The following ZNF704 variants were observed in gnomAD, a reference collection of about 807,000 sequenced individuals.
ZNF704 encodes the protein zinc finger protein 704.
In ZNF704, 10 loss-of-function variants were observed where a neutral mutation model predicts 44.7. The observed-to-expected ratio is 0.22, with a 90% CI of 0.14 to 0.38. The LOEUF is 0.38. Among genes scored for constraint, ZNF704 ranks in the 10% least tolerant of loss-of-function variants. The pLI, the probability that ZNF704 is intolerant of heterozygous loss-of-function variation, is 1.00. For missense variants in ZNF704, 390 were observed against 545.5 expected (o/e 0.71, Z 2.84); for synonymous variants, 211 against 207.6 (o/e 1.02, Z -0.14).
At position 80,771,323 on chromosome 8, in the gene ZNF704, T is replaced by G. The variant is rs1312891976; in HGVS notation, c.221+50051A>C. Among the ~76,000 whole-genome samples, 13 of 152,290 alleles carry G rather than the reference T, an allele frequency of 8.5e-5. No individual in the cohort carries two copies. The South Asian group carries it at 2.7e-3, about 32-fold the overall frequency. On this transcript the variant is annotated intron_variant, in intron 2 of 8. Transcript: ENST00000327835. The stretch of plus-strand genomic sequence containing the variant: ...TGACTATTATTACTATGTTGAGTCT[T>G]GCAATCCATAAACATGGTATGTCTC...
chr8:80,816,471 A>G (rs1352350570), intron 2 of ZNF704, among the ~76,000 whole-genome samples: 1 of 152,204 alleles, frequency 6.6e-6, no homozygotes, highest in East Asian at 1.9e-4. Context: ...ACATGCTATC[A>G]CATGGATGAA....
At chr8:80,824,949 G>A (rs1808346382) in intron 1 of ZNF704, among the ~76,000 whole-genome samples, 1 of 152,106 alleles carries the variant, frequency 6.6e-6, no homozygotes, top group Non-Finnish European at 1.5e-5. Context: ...AGGAACAACT[G>A]GTACCAGCCA....
chr8:80,782,020 TG>T (rs1467394920), intron 2 of ZNF704, among the ~76,000 whole-genome samples: 2 of 152,244 alleles, frequency 1.3e-5, no homozygotes, highest in Non-Finnish European at 2.9e-5. Context: ...CTCATAATGT[TG>T]AACTGTGAAC....
In ZNF704 at chr8:80,846,480, C is replaced by G. The variant is rs553924805; in HGVS notation, c.-21-24865G>C. Among the ~76,000 whole-genome samples, 7 of 151,900 alleles carry G rather than the reference C, an allele frequency of 4.6e-5. No individual in the cohort carries two copies. The East Asian group carries it at 1.4e-3, about 29-fold the overall frequency. The stretch of plus-strand genomic sequence containing the variant: ...TATTACCAGTTCATTTAAAAATGAC[C>G]AGGAGATCTTTGAGGTTTAATGGGG... On this transcript the variant is annotated intron_variant, in intron 1 of 8. Transcript: ENST00000327835.
At chr8:80,701,176 G>A (rs1006983517) in intron 2 of ZNF704, among the ~76,000 whole-genome samples, 3 of 151,810 alleles carry the variant, frequency 2.0e-5, no homozygotes, top group South Asian at 2.1e-4. Flanking sequence ...GTCCACCTCA[G>A]GGCAGTCAGT....
At chr8:80,758,862 T>C (rs1326202098) in intron 2 of ZNF704, among the ~76,000 whole-genome samples, 4 of 152,206 alleles carry the variant, frequency 2.6e-5, no homozygotes, top group Admixed American at 6.5e-5. Flanking sequence ...TTAAAATACA[T>C]AGTGCCTTAG....
intron 2 of ZNF704, among the ~76,000 whole-genome samples, chr8:80,720,766 G>A (rs1231739791): frequency 3.3e-5 from 5 of 152,164 alleles, no homozygotes; most frequent in East Asian, 1.9e-4. Flanking sequence ...ACTCAGAAGC[G>A]GACCAAAGCC....
At chr8:80,722,578 T>C (rs996732780) in intron 2 of ZNF704, among the ~76,000 whole-genome samples, 33 of 152,344 alleles carry the variant, frequency 2.2e-4, no homozygotes, top group African/African-American at 7.5e-4. Context: ...TACATAATCC[T>C]TTACATTTAA....
chr8:80,781,234 C>T (rs997466308), intron 2 of ZNF704, among the ~76,000 whole-genome samples: 4 of 152,138 alleles, frequency 2.6e-5, no homozygotes, highest in African/African-American at 9.7e-5. Context: ...AGTTTCTAAA[C>T]CATCCCATTA....
chr8:80,810,191 T>C (rs1563561281), intron 2 of ZNF704, among the ~76,000 whole-genome samples: 1 of 152,192 alleles, frequency 6.6e-6, no homozygotes, highest in Non-Finnish European at 1.5e-5. Context: ...GAAATGCCAA[T>C]CTTACGGTAT....
In ZNF704 at chr8:80,631,972, A is replaced by C. The variant is rs1817594047; in HGVS notation, c.*9394T>G. The C allele has an allele frequency of 6.6e-6, 1 of 152,224 alleles. No homozygotes were observed. Among genetic ancestry groups the C allele is most frequent in the Non-Finnish European group, 1.5e-5 (1 of 68,038 alleles). 9.4% of individuals were successfully genotyped at this position (152,224 alleles called of 1,614,324 possible). A position where few individuals can be genotyped will look rare whatever the true frequency, so the allele number is the denominator to read the frequency against. ...TTAACAACAGCCTGGCCTCTAGCTC[A>C]GGCAGATGAGGGCAAAGGGGAGGGT... On this transcript the variant is annotated 3_prime_UTR_variant, in exon 9 of 9. Transcript: ENST00000327835.
At chr8:80,729,055 T>A (rs562770780) in intron 2 of ZNF704, among the ~76,000 whole-genome samples, 1 of 152,098 alleles carries the variant, frequency 6.6e-6, no homozygotes, top group South Asian at 2.1e-4. Flanking sequence ...CATCATTCCC[T>A]CCCCTCACTC....
intron 7 of ZNF704, chr8:80,644,856 T>A: frequency 1.4e-6 from 1 of 715,948 alleles, no homozygotes; most frequent in Non-Finnish European, 2.5e-6. Flanking sequence ...GAAGGCAACA[T>A]AATAATGTTA....
chr8:80,752,756 G>T (rs1806966274), intron 2 of ZNF704, among the ~76,000 whole-genome samples: 1 of 152,090 alleles, frequency 6.6e-6, no homozygotes, highest in African/African-American at 2.4e-5. Flanking sequence ...GGTCAGGCTG[G>T]TCTCAAACTC....
chr8:80,755,364 A>G (rs1455390395), intron 2 of ZNF704, among the ~76,000 whole-genome samples: 1 of 152,190 alleles, frequency 6.6e-6, no homozygotes, highest in Non-Finnish European at 1.5e-5. Flanking sequence ...TTGAGGCAGG[A>G]GAATTGCTTG....
rs554491947 is a variant in ZNF704 at position 80,638,650 on chromosome 8, G to T, written c.*2716C>A. The T allele has an allele frequency of 6.6e-6, 1 of 152,182 alleles. No homozygotes were observed. The highest frequency in any genetic ancestry group is 6.6e-5 in the Admixed American group (1 of 15,266). 9.4% of individuals were successfully genotyped at this position (152,182 alleles called of 1,614,324 possible). A position where few individuals can be genotyped will look rare whatever the true frequency, so the allele number is the denominator to read the frequency against. ...GTATATTGGAATTCATAGCTTTCTG[G>T]GTGGCCTGTAAGGAGTATAATCCCT... On this transcript the variant is annotated 3_prime_UTR_variant, in exon 9 of 9. Transcript: ENST00000327835.
chr8:80,757,443 A>C lies in ZNF704; in HGVS notation c.221+63931T>G, dbSNP rs566096417. On this transcript the variant is annotated intron_variant, in intron 2 of 8. Transcript: ENST00000327835. Reference sequence around the variant, plus strand: ...GTGTTTTAAGCTAAGTGTTATTAAAAGAGTCAAAAAGTTAAAAAAAAAAAC... The same window carrying C: ...GTGTTTTAAGCTAAGTGTTATTAAACGAGTCAAAAAGTTAAAAAAAAAAAC... 3.3e-5 allele frequency among the ~76,000 whole-genome samples: 5 copies of C among 152,286 alleles called. No individual in the cohort carries two copies. In the East Asian group the frequency reaches 9.6e-4, roughly 29 times the overall value.
intron 2 of ZNF704, among the ~76,000 whole-genome samples, chr8:80,799,838 C>T (rs1426363722): frequency 6.6e-6 from 1 of 152,062 alleles, no homozygotes; most frequent in Non-Finnish European, 1.5e-5. Flanking sequence ...CAGAAGTAGG[C>T]TTCAGAAAGC....
At chr8:80,653,807 C>T (rs904118534) in intron 7 of ZNF704, among the ~76,000 whole-genome samples, 3 of 152,174 alleles carry the variant, frequency 2.0e-5, no homozygotes, top group African/African-American at 7.2e-5. Flanking sequence ...ATCAAGCTAC[C>T]AATGACTTTC....
Sources: allele counts gnomAD v4.1 joint callset (sites outside exome capture counted in the v4.1 genomes callset), GRCh38; gene constraint gnomAD v4.1.1; transcripts MANE v1.5; gene names NCBI Gene and HGNC (gene_info 2026-07-23, HGNC 2026-07-21).